The following LMF1 variants were observed in gnomAD, a reference collection of about 807,000 sequenced individuals.
LMF1 encodes the protein transmembrane protein 112.
A neutral mutation model predicts 60.6 loss-of-function variants in LMF1; 68 were observed. The observed-to-expected ratio is 1.12, with a 90% CI of 0.92 to 1.37. The LOEUF is 1.37. Ranked by LOEUF, LMF1 falls within the 40% of genes most tolerant of loss-of-function variation. The pLI, the probability that LMF1 is intolerant of heterozygous loss-of-function variation, is 0.00. For missense variants in LMF1, 948 were observed against 767.2 expected, an observed-to-expected ratio of 1.24 and a Z score of -2.78; for synonymous variants, 418 against 324.7, an observed-to-expected ratio of 1.29 and a Z score of -3.09.
chr16:893,262 C>T (rs1451609072), intron 4 of LMF1, 190 bp from the exon 5 acceptor site: 5 of 682,232 alleles, frequency 7.3e-6, no homozygotes, highest in Non-Finnish European at 8.0e-6. Context: ...AGATTCAGGG[C>T]TGCTTTGAGG....
intron 3 of LMF1, among the ~76,000 whole-genome samples, chr16:931,430 G>C (rs1383286742): frequency 2.6e-5 from 4 of 152,220 alleles, no homozygotes; most frequent in Non-Finnish European, 2.9e-5. Flanking sequence ...AAAGCCCATT[G>C]TGCAAAATGA....
intron 3 of LMF1, among the ~76,000 whole-genome samples, chr16:918,860 A>C (rs138635840): frequency 0.012 from 1,778 of 147,546 alleles, 6 homozygotes; most frequent in South Asian, 0.017. Context: ...CCCGACTCTC[A>C]CGTGGGGCCA....
chr16:970,823 C>G lies in LMF1; in HGVS notation c.158G>C (p.Arg53Pro). The G allele has an allele frequency of 6.5e-7, 1 of 1,545,570 alleles. No individual in the cohort carries two copies. Among genetic ancestry groups the G allele is most frequent in the Non-Finnish European group, 8.7e-7 (1 of 1,145,712 alleles). Residue 53 changes from arginine (R) to proline (P), a missense_variant, in exon 1 of 11, where the codon CGG becomes CCG. Arg to Pro is a moderately radical substitution (Grantham distance 103). Transcript: ENST00000262301. ...GGCTAGGGCCTTCAGGAGCACGATC[C>G]GGGTCAGCCAGAAGGTGCCCGTGTG... ...HLHTGTFWLTRIVLLKALAFV... is the reference protein window; with the variant it reads ...HLHTGTFWLTPIVLLKALAFV...
intron 5 of LMF1, among the ~76,000 whole-genome samples, chr16:880,062 C>T (rs1353238371): frequency 6.6e-6 from 1 of 152,224 alleles, no homozygotes; most frequent in Admixed American, 6.5e-5. Flanking sequence ...AGTCGGAGAA[C>T]AGGCAGTCGG....
At chr16:913,294 G>C (rs2071173826) in intron 3 of LMF1, among the ~76,000 whole-genome samples, 1 of 152,234 alleles carries the variant, frequency 6.6e-6, no homozygotes, top group East Asian at 1.9e-4. Context: ...CGTTCTGCCT[G>C]GGTAACGGGG....
intron 2 of LMF1, among the ~76,000 whole-genome samples, chr16:941,807 G>A (rs570876221): frequency 3.9e-5 from 6 of 152,256 alleles, no homozygotes; most frequent in East Asian, 1.9e-4. Flanking sequence ...ATATTTTCTC[G>A]CTTCACGTAG....
chr16:953,057 G>A lies in LMF1; in HGVS notation c.503+1300C>T, dbSNP rs1415944032. On this transcript the variant is annotated intron_variant, in intron 2 of 10. Transcript: ENST00000262301. ...GACACCCCAAACCAGCCTCCTACAC[G>A]TCCACACAGACACCCACTCCAAACC... is the stretch of plus-strand genomic sequence containing the variant. 1.0e-3 allele frequency among the ~76,000 whole-genome samples: 27 copies of A among 26,226 alleles called. 1 individual carries two copies. Among genetic ancestry groups the A allele is most frequent in the African/African-American group, 1.3e-3 (3 of 2,318 alleles). 17.2% of individuals were successfully genotyped at this position (26,226 alleles called of 152,430 possible). A position where few individuals can be genotyped will look rare whatever the true frequency, so the allele number is the denominator to read the frequency against.
intron 4 of LMF1, among the ~76,000 whole-genome samples, chr16:896,902 G>C (rs912830474): frequency 6.6e-6 from 1 of 151,974 alleles, no homozygotes; most frequent in African/African-American, 2.4e-5. Flanking sequence ...TCTCTACATT[G>C]CACATGTCAG....
intron 3 of LMF1, among the ~76,000 whole-genome samples, chr16:932,709 T>A (rs757832084): frequency 6.6e-6 from 1 of 152,202 alleles, no homozygotes; most frequent in Non-Finnish European, 1.5e-5. Flanking sequence ...CATAAGCCAC[T>A]GCACCCACCC....
chr16:861,163 G>C (rs2069453031), intron 10 of LMF1, among the ~76,000 whole-genome samples: 1 of 152,198 alleles, frequency 6.6e-6, no homozygotes, highest in Admixed American at 6.5e-5. Flanking sequence ...TGAGTTTTCA[G>C]CATGTAAGTT....
intron 4 of LMF1, among the ~76,000 whole-genome samples, chr16:909,944 C>T (rs2071065858): frequency 6.6e-6 from 1 of 152,186 alleles, no homozygotes; most frequent in Admixed American, 6.5e-5. Context: ...GGGCAGTGCC[C>T]AACTCTTCGT....
At chr16:942,945 C>G (rs1004103106) in intron 2 of LMF1, among the ~76,000 whole-genome samples, 1 of 152,248 alleles carries the variant, frequency 6.6e-6, no homozygotes, top group Non-Finnish European at 1.5e-5. Flanking sequence ...ATAATTTCTA[C>G]AGATTTCTCT....
rs561964873 is a variant in LMF1 at position 921,861 on chromosome 16, G to A, written c.515-10782C>T. Among the ~76,000 whole-genome samples the A allele has an allele frequency of 3.9e-5, 6 of 152,160 alleles. No individual in the cohort carries two copies. In the South Asian group the frequency reaches 1.2e-3, roughly 32 times the overall value. ...TACAATTCTTAGGAGAAAAACAAAG[G>A]TTAAAAGGTTTGAAATGTAAAAAAG... On this transcript the variant is annotated intron_variant, in intron 3 of 10. Coordinates refer to ENST00000262301, the MANE Select transcript of LMF1 (RefSeq NM_022773.4).
At chr16:955,018 A>ACGTAG (rs2072644890) in intron 1 of LMF1, among the ~76,000 whole-genome samples, 1 of 151,644 alleles carries the variant, frequency 6.6e-6, no homozygotes, top group African/African-American at 2.4e-5. Flanking sequence ...CCTGCAGCAG[A>ACGTAG]TGCGGTGTGT....
intron 4 of LMF1, chr16:902,682 C>T (rs1428935925): frequency 1.9e-5 from 3 of 160,200 alleles, no homozygotes; most frequent in Non-Finnish European, 4.0e-5. Flanking sequence ...TCTGCACTGC[C>T]TGTGGGGACG....
At chr16:873,641 G>A (rs540616977) in intron 6 of LMF1, 26 of 151,962 alleles carry the variant, frequency 1.7e-4, no homozygotes, top group African/African-American at 6.3e-4. Context: ...CCTCCGCCGA[G>A]GACACCCCTG....
chr16:860,394 T>C (rs7185982), intron 10 of LMF1, among the ~76,000 whole-genome samples: 17,882 of 151,556 alleles, frequency 0.12, 3,182 homozygotes, highest in African/African-American at 0.39. Context: ...GGCTGGAGTG[T>C]GGTGGTGTGA....
intron 2 of LMF1, among the ~76,000 whole-genome samples, chr16:948,757 C>T (rs1236649710): frequency 9.4e-6 from 1 of 106,150 alleles, no homozygotes; most frequent in Non-Finnish European, 2.0e-5. Flanking sequence ...AGAGTCAGAG[C>T]CAACGACAGA....
Position 871,185 on chromosome 16 carries a change from C to G in LMF1, c.1054G>C (p.Gly352Arg), listed in dbSNP as rs892199168. Residue 352 changes from glycine to arginine, a missense_variant, in exon 7 of 11, where the codon GGG (glycine) becomes CGG (arginine). Physicochemically the swap from Gly to Arg is moderately radical, Grantham distance 125. Coordinates refer to ENST00000262301, the MANE Select transcript of LMF1 (RefSeq NM_022773.4). Reference sequence around the variant, plus strand: ...CCGAATCTGGGCTCGGGCCGGGCCCCTCGGATGTCCCTCTGCATCTGCAGA... The same window carrying G: ...CCGAATCTGGGCTCGGGCCGGGCCCGTCGGATGTCCCTCTGCATCTGCAGA... Reference protein sequence around the residue: ...RVLQMQRDIRGARPEPRFGSV... With the variant: ...RVLQMQRDIRRARPEPRFGSV... 1.2e-6 allele frequency: 2 copies of G among 1,606,802 alleles called. No homozygotes were observed. Among genetic ancestry groups the G allele is most frequent in the Non-Finnish European group, 1.7e-6 (2 of 1,177,486 alleles).
Sources: gnomAD v4.1 joint callset for allele counts (sites outside exome capture counted in the v4.1 genomes callset) on GRCh38, gnomAD v4.1.1 for gene constraint, MANE v1.5 for transcripts, NCBI Gene and HGNC (gene_info 2026-07-23, HGNC 2026-07-21) for gene names.